Variants in GSK3B observed in about 807,000 individuals in gnomAD.
GSK3B encodes glycogen synthase kinase 3 beta, also known as glycogen synthase kinase-3 beta.
Under a neutral mutation model 56.4 loss-of-function variants are expected in GSK3B, and 15 were observed. That is an observed-to-expected ratio of 0.27 (90% confidence interval 0.18 to 0.41). GSK3B has a LOEUF of 0.41. Ranked by LOEUF, GSK3B falls within the 10% of genes least tolerant of loss-of-function variation. The pLI, the probability that GSK3B is intolerant of heterozygous loss-of-function variation, is 1.00. For synonymous variants in GSK3B, 181 were observed against 188.9 expected (o/e 0.96, Z 0.34); for missense variants, 300 against 513.4 (o/e 0.58, Z 4.02).
intron 3 of GSK3B, among the ~76,000 whole-genome samples, chr3:119,934,637 T>C (rs2056977165): frequency 6.6e-6 from 1 of 152,198 alleles, no homozygotes; most frequent in African/African-American, 2.4e-5. Context: ...GACATCTGAA[T>C]AAACTATAAT....
chr3:119,859,761 T>C (rs1355228269), intron 9 of GSK3B, among the ~76,000 whole-genome samples: 1 of 152,160 alleles, frequency 6.6e-6, no homozygotes, highest in East Asian at 1.9e-4. Context: ...CAGATACTCT[T>C]ACCCCCCGCC....
At chr3:120,019,490 T>C (rs763141534) in intron 1 of GSK3B, among the ~76,000 whole-genome samples, 4 of 152,224 alleles carry the variant, frequency 2.6e-5, no homozygotes, top group Non-Finnish European at 5.9e-5. Flanking sequence ...ATGAAATCTA[T>C]CTCAAACAAT....
At chr3:120,057,800 G>A (rs1324310650) in intron 1 of GSK3B, among the ~76,000 whole-genome samples, 4 of 151,962 alleles carry the variant, frequency 2.6e-5, no homozygotes, top group African/African-American at 7.3e-5. Context: ...TCTCTCATTT[G>A]CAAAACCGGA....
intron 7 of GSK3B, among the ~76,000 whole-genome samples, chr3:119,886,202 A>C (rs1454422550): frequency 1.1e-4 from 16 of 152,092 alleles, no homozygotes; most frequent in Non-Finnish European, 1.5e-5. Context: ...CAAGCAAAAA[A>C]CAAATAACCC....
Position 120,022,164 on chromosome 3 carries a change from C to T in GSK3B, c.89-19925G>A, listed in dbSNP as rs371721610. On this transcript the variant is annotated intron_variant, in intron 1 of 10. Coordinates refer to ENST00000264235, the MANE Select transcript of GSK3B (RefSeq NM_001146156.2). ...CCTTTTAAACAATTGGCACAGCCAC[C>T]CTAGCCTTCAGCAACCACCACCCTA... Among the ~76,000 whole-genome samples the T allele has an allele frequency of 9.9e-5, 15 of 152,278 alleles. No individual in the cohort carries two copies. In the East Asian group the frequency reaches 2.3e-3, roughly 23 times the overall value.
At chr3:119,837,185 T>C (rs574854268) in intron 10 of GSK3B, among the ~76,000 whole-genome samples, 31 of 152,316 alleles carry the variant, frequency 2.0e-4, no homozygotes, top group Middle Eastern at 3.4e-3. Flanking sequence ...AGAGCAGTCT[T>C]GCTCTGTTGC....
chr3:119,862,900 T>G (rs1355999991), intron 9 of GSK3B, among the ~76,000 whole-genome samples: 3 of 152,106 alleles, frequency 2.0e-5, no homozygotes, highest in Admixed American at 1.3e-4. Flanking sequence ...GCAGCAGCAA[T>G]GGTGCCAGTC....
At chr3:119,948,881 T>C (rs754487406) in intron 2 of GSK3B, among the ~76,000 whole-genome samples, 12 of 152,120 alleles carry the variant, frequency 7.9e-5, no homozygotes, top group Non-Finnish European at 5.9e-5. Context: ...TTAATATTTT[T>C]AGTAGAGACA....
At chr3:119,863,287 G>A in intron 9 of GSK3B, 132 bp downstream of exon 9, 1 of 708,460 alleles carries the variant, frequency 1.4e-6, no homozygotes. Flanking sequence ...TAGAAAGGAT[G>A]CTCTTTTCAC....
Position 120,002,053 on chromosome 3 carries a change from C to A in GSK3B, c.275G>T (p.Arg92Ile). The A allele has an allele frequency of 6.3e-7, 1 of 1,593,744 alleles. No homozygotes were observed. The change falls in exon 2 of 11, where the codon AGA (arginine) becomes ATA (isoleucine). Residue 92 changes from arginine to isoleucine, a missense_variant. Around this residue, in one of 6 missense-constraint regions of GSK3B, gnomAD observed 20 missense variants for 59.1 expected, o/e 0.34. Transcript: ENST00000264235. ...AAATACTGGACATTTTACCTTAAATCTCTTGTCCTGCAATACTTTCTTGAT... is the reference window on the plus strand; with the variant it reads ...AAATACTGGACATTTTACCTTAAATATCTTGTCCTGCAATACTTTCTTGAT... ...VAIKKVLQDK[R>I]FKNRELQIMR...
At chr3:119,943,802 C>T (rs1559846999) in intron 3 of GSK3B, among the ~76,000 whole-genome samples, 1 of 149,010 alleles carries the variant, frequency 6.7e-6, no homozygotes, top group Non-Finnish European at 1.5e-5. Flanking sequence ...AAGAGAGAGA[C>T]AAGAAAGAAA....
intron 1 of GSK3B, among the ~76,000 whole-genome samples, chr3:120,052,238 G>A (rs1302296180): frequency 6.6e-6 from 1 of 152,138 alleles, no homozygotes; most frequent in Non-Finnish European, 1.5e-5. Flanking sequence ...TTGACAGAAG[G>A]AAGAAAATGA....
chr3:119,901,322 A>G (rs1341982001), intron 7 of GSK3B, among the ~76,000 whole-genome samples: 1 of 152,178 alleles, frequency 6.6e-6, no homozygotes, highest in East Asian at 1.9e-4. Context: ...TGATATGTAG[A>G]GGTCAAATGG....
intron 7 of GSK3B, among the ~76,000 whole-genome samples, chr3:119,889,215 CTGATATG>C (rs1373497587): frequency 6.6e-6 from 1 of 152,056 alleles, no homozygotes; most frequent in Non-Finnish European, 1.5e-5. Flanking sequence ...CACGGTTCTA[CTGATATG>C]TGATGTCACC....
intron 1 of GSK3B, among the ~76,000 whole-genome samples, chr3:120,008,162 A>C (rs927294172): frequency 6.6e-6 from 1 of 152,194 alleles, no homozygotes; most frequent in Non-Finnish European, 1.5e-5. Context: ...ACCTAGGAAT[A>C]CAACTTACAA....
At chr3:119,986,636 C>T (rs2057519199) in intron 2 of GSK3B, among the ~76,000 whole-genome samples, 1 of 152,132 alleles carries the variant, frequency 6.6e-6, no homozygotes. Context: ...CAATGAGATA[C>T]CATCTCACGC....
At chr3:119,974,506 G>A (rs752756273) in intron 2 of GSK3B, among the ~76,000 whole-genome samples, 7 of 152,084 alleles carry the variant, frequency 4.6e-5, no homozygotes, top group Non-Finnish European at 8.8e-5. Flanking sequence ...ACAGCAAGAA[G>A]GCACTATCTA....
intron 8 of GSK3B, among the ~76,000 whole-genome samples, chr3:119,869,735 C>T (rs1473116169): frequency 6.6e-6 from 1 of 152,204 alleles, no homozygotes; most frequent in Non-Finnish European, 1.5e-5. Context: ...CCCTCATCAA[C>T]GCTGAATGAA....
chr3:120,039,455 A>T (rs931113672), intron 1 of GSK3B, among the ~76,000 whole-genome samples: 1 of 152,152 alleles, frequency 6.6e-6, no homozygotes, highest in African/African-American at 2.4e-5. Flanking sequence ...CTCAAACTCA[A>T]CTTTCTTGTT....
Sources: gnomAD v4.1 joint callset for allele counts (sites outside exome capture counted in the v4.1 genomes callset) on GRCh38, gnomAD v4.1.1 for gene constraint, gnomAD v4.1.1 regional missense constraint, MANE v1.5 for transcripts, NCBI Gene and HGNC (gene_info 2026-07-23, HGNC 2026-07-21) for gene names.